Variants in SAMD7 observed in about 807,000 individuals in gnomAD.
SAMD7 encodes sterile alpha motif domain-containing protein 7.
A neutral mutation model predicts 36.7 loss-of-function variants in SAMD7; 34 were observed. The ratio of observed to expected loss-of-function variants is 0.93; its 90% CI spans 0.71 to 1.23. SAMD7 has a LOEUF of 1.23. SAMD7 is among the 50% of genes most tolerant of loss of function. SAMD7 has a pLI of 0.00. For synonymous variants in SAMD7, 188 were observed against 189.7 expected, an observed-to-expected ratio of 0.99 and a Z score of 0.07; for missense variants, 570 against 546.6, an observed-to-expected ratio of 1.04 and a Z score of -0.43.
In SAMD7 at chr3:169,911,819, G is replaced by A. The variant is rs567158061; in HGVS notation, c.-119G>A. On this transcript the variant is annotated splice_region_variant and 5_prime_UTR_variant, in exon 1 of 9. Transcript: ENST00000335556. The stretch of plus-strand genomic sequence containing the variant: ...TCAAAGACAAGAAGTCTTCATAGAG[G>A]ATGTAAGTATGTAACTCTACACATT... The A allele has an allele frequency of 6.6e-6, 1 of 152,298 alleles. No individual in the cohort carries two copies. The highest frequency in any genetic ancestry group is 1.9e-4 in the East Asian group (1 of 5,186). The allele number at this position is 152,298 out of a possible 1,614,324, so 9.4% of individuals were successfully genotyped here.
Position 169,911,836 on chromosome 3 carries a change from C to T in SAMD7, c.-117+15C>T, listed in dbSNP as rs183123558. 7.7e-4 allele frequency: 118 copies of T among 152,292 alleles called. No individual in the cohort carries two copies. Among genetic ancestry groups the T allele is most frequent in the African/African-American group, 2.6e-3 (110 of 41,558 alleles). The allele number at this position is 152,292 out of a possible 1,614,324, so 9.4% of individuals were successfully genotyped here. ...TCATAGAGGATGTAAGTATGTAACTCTACACATTGATTAGCCCAAAATTGA... is the reference window on the plus strand; with the variant it reads ...TCATAGAGGATGTAAGTATGTAACTTTACACATTGATTAGCCCAAAATTGA... On this transcript the variant is annotated intron_variant, in intron 1 of 8. Transcript: ENST00000335556.
chr3:169,914,885 C>T (rs934444116), intron 1 of SAMD7, among the ~76,000 whole-genome samples: 2 of 152,212 alleles, frequency 1.3e-5, no homozygotes, highest in Non-Finnish European at 2.9e-5. Flanking sequence ...CAATTATCTA[C>T]TGGAATGACA....
chr3:169,916,157 A>G (rs1229005823), intron 2 of SAMD7, among the ~76,000 whole-genome samples: 1 of 152,236 alleles, frequency 6.6e-6, no homozygotes, highest in African/African-American at 2.4e-5. Context: ...TGCTAAGTGA[A>G]AAAACCAGTC....
At chr3:169,931,285 G>A (rs1207126807) in intron 7 of SAMD7, among the ~76,000 whole-genome samples, 2 of 152,210 alleles carry the variant, frequency 1.3e-5, no homozygotes, top group Non-Finnish European at 2.9e-5. Flanking sequence ...AAACTGCTCT[G>A]GTGAGAAAGA....
intron 2 of SAMD7, among the ~76,000 whole-genome samples, chr3:169,917,499 A>G (rs1158614966): frequency 1.3e-5 from 2 of 152,074 alleles, no homozygotes; most frequent in Admixed American, 6.5e-5. Context: ...AGATATTTTG[A>G]TATGGGAATA....
At chr3:169,937,269 TA>T (rs1474869654) in intron 8 of SAMD7, among the ~76,000 whole-genome samples, 1 of 152,120 alleles carries the variant, frequency 6.6e-6, no homozygotes, top group Non-Finnish European at 1.5e-5. Context: ...TTTTAATTTT[TA>T]TTTTAAGTTA....
In SAMD7 at chr3:169,938,408, C is replaced by G. The variant is rs1317839330; in HGVS notation, c.1243C>G (p.Leu415Val). The G allele has an allele frequency of 6.2e-7, 1 of 1,611,340 alleles. No homozygotes were observed. The change falls in exon 9 of 9, where the codon CTT becomes GTT. Residue 415 changes from leucine to valine, a missense_variant. Physicochemically the swap from Leu to Val is conservative, Grantham distance 32. Coordinates refer to ENST00000335556, the MANE Select transcript of SAMD7 (RefSeq NM_001304366.2). ...TGATCAACCAGCAGATACATCCCCT[C>G]TTCTGGATCCTAATTCCTGGAGTGA... ...AFDQPADTSP[L>V]LDPNSWSDTM...
At chr3:169,930,824 G>A (rs754836666) in intron 7 of SAMD7, among the ~76,000 whole-genome samples, 5 of 151,682 alleles carry the variant, frequency 3.3e-5, no homozygotes, top group African/African-American at 4.8e-5. Flanking sequence ...CTCATGTTCC[G>A]CCCACCTCGG....
At chr3:169,923,287 T>A (rs1713125480) in intron 4 of SAMD7, among the ~76,000 whole-genome samples, 1 of 152,166 alleles carries the variant, frequency 6.6e-6, no homozygotes. Flanking sequence ...AGAGCAAGCA[T>A]CCAAGCAAGG....
intron 4 of SAMD7, 119 bp from the exon 5 acceptor site, chr3:169,924,939 T>C (rs1348771658): frequency 3.0e-6 from 2 of 663,800 alleles, no homozygotes; most frequent in Non-Finnish European, 2.5e-6. Context: ...TTGTGCGCAA[T>C]TGCTGGTTTG....
intron 7 of SAMD7, among the ~76,000 whole-genome samples, chr3:169,929,050 T>C (rs1317894966): frequency 6.6e-6 from 1 of 152,222 alleles, no homozygotes; most frequent in Admixed American, 6.5e-5. Flanking sequence ...AAATTCATTA[T>C]TTTAAATTCT....
At chr3:169,930,861 A>G (rs1428521326) in intron 7 of SAMD7, among the ~76,000 whole-genome samples, 5 of 151,868 alleles carry the variant, frequency 3.3e-5, no homozygotes, top group Non-Finnish European at 7.4e-5. Context: ...GATTACAGGC[A>G]TGAGCCACCG....
chr3:169,920,240 C>CT (rs2108257641), intron 3 of SAMD7, among the ~76,000 whole-genome samples: 1 of 152,266 alleles, frequency 6.6e-6, no homozygotes, highest in South Asian at 2.1e-4. Flanking sequence ...AACAACGGAA[C>CT]TTTATTTCAT....
chr3:169,935,711 T>A (rs1713691823), intron 7 of SAMD7, among the ~76,000 whole-genome samples: 1 of 152,188 alleles, frequency 6.6e-6, no homozygotes. Flanking sequence ...TCAATCTGCC[T>A]AGATTTTGTA....
Position 169,921,342 on chromosome 3 carries a change from T to C in SAMD7, c.211+4T>C. 1 of 1,612,968 alleles carries C rather than the reference T, an allele frequency of 6.2e-7. No homozygotes were observed. The highest frequency in any genetic ancestry group is 8.5e-7 in the Non-Finnish European group (1 of 1,179,040). ...TTGTCCAGTCGGATCTACCCAGGTA[T>C]GAGCAATAGAAGTTTGGCTCTCATC... On this transcript the variant is annotated splice_donor_region_variant and intron_variant, in intron 4 of 8. Transcript: ENST00000335556.
chr3:169,923,329 T>C (rs1198569507), intron 4 of SAMD7, among the ~76,000 whole-genome samples: 1 of 152,160 alleles, frequency 6.6e-6, no homozygotes, highest in Non-Finnish European at 1.5e-5. Context: ...ACTCAGTAAA[T>C]TGGTTCAAGG....
In SAMD7 at chr3:169,932,752, G is replaced by T. The variant is rs867089225; in HGVS notation, c.1042-3587G>T. The T allele has an allele frequency of 7.5e-6, 4 of 534,190 alleles. No homozygotes were observed. In the Middle Eastern group the frequency reaches 1.4e-3, roughly 184 times the overall value. 33.1% of individuals were successfully genotyped at this position (534,190 alleles called of 1,614,324 possible). A position where few individuals can be genotyped will look rare whatever the true frequency, so the allele number is the denominator to read the frequency against. ...CTTACTGAAAAGGCAAATTGGCCAGGTGGGAGTATGATGAGCGCTACTGTG... is the reference window on the plus strand; with the variant it reads ...CTTACTGAAAAGGCAAATTGGCCAGTTGGGAGTATGATGAGCGCTACTGTG... On this transcript the variant is annotated intron_variant, in intron 7 of 8. Coordinates refer to ENST00000335556, the MANE Select transcript of SAMD7 (RefSeq NM_001304366.2).
intron 7 of SAMD7, among the ~76,000 whole-genome samples, chr3:169,929,879 G>A (rs748114978): frequency 2.0e-5 from 3 of 152,044 alleles, no homozygotes; most frequent in Non-Finnish European, 2.9e-5. Context: ...CCTGTTCAAT[G>A]GTTATAACCT....
In SAMD7 at chr3:169,938,462, A is replaced by G. The variant is rs377614706; in HGVS notation, c.1297A>G (p.Thr433Ala). The G allele has an allele frequency of 6.2e-7, 1 of 1,613,282 alleles. No homozygotes were observed. The highest frequency in any genetic ancestry group is 8.5e-7 in the Non-Finnish European group (1 of 1,179,378). Reference protein sequence around the residue: ...DTMNIFCPQDTIIPKGIERGS... With the variant: ...DTMNIFCPQDAIIPKGIERGS... ...AATGAACATTTTTTGTCCCCAGGAT[A>G]CAATAATTCCTAAAGGAATTGAGCG... The change falls in exon 9 of 9, where the codon ACA (threonine) becomes GCA (alanine). Residue 433 changes from threonine (T) to alanine (A), a missense_variant. By Grantham distance (58) the Thr-to-Ala change is moderately conservative. Transcript: ENST00000335556.
Sources: gnomAD v4.1 joint callset for allele counts (sites outside exome capture counted in the v4.1 genomes callset) on GRCh38, gnomAD v4.1.1 for gene constraint, MANE v1.5 for transcripts, NCBI Gene and HGNC (gene_info 2026-07-23, HGNC 2026-07-21) for gene names.